SRCAP: variants seen among roughly 807,000 people sequenced by gnomAD.
The protein encoded by SRCAP is Snf2 related CREBBP activator protein, also known as chromatin remodeling protein SRCAP.
A neutral mutation model predicts 263.1 loss-of-function variants in SRCAP; 46 were observed. That is an observed-to-expected ratio of 0.17 (90% confidence interval 0.14 to 0.22). The LOEUF (loss-of-function observed/expected upper bound fraction) is 0.22. Among genes scored for constraint, SRCAP ranks in the 10% least tolerant of loss-of-function variants. The pLI is 1.00. For missense variants in SRCAP, 3,695 were observed against 4,181.9 expected, an observed-to-expected ratio of 0.88 and a Z score of 3.21; for synonymous variants, 1,813 against 1,662.1, an observed-to-expected ratio of 1.09 and a Z score of -2.21.
intron 27 of SRCAP, among the ~76,000 whole-genome samples, chr16:30,732,306 C>G (rs1308504148): frequency 6.6e-6 from 1 of 151,982 alleles, no homozygotes; most frequent in East Asian, 1.9e-4. Context: ...ACAAAATTAT[C>G]CGGACGTGGT....
At position 30,707,226 on chromosome 16, in the gene SRCAP, G is replaced by T. The variant is rs1422857679; in HGVS notation, c.350G>T (p.Gly117Val). The change falls in exon 5 of 34, where the codon GGT becomes GTT. Residue 117 changes from glycine to valine, a missense_variant. Coordinates refer to ENST00000262518, the MANE Select transcript of SRCAP (RefSeq NM_006662.3). Reference protein sequence around the residue: ...ETRIAELRKEGFWSLKRLPKV... With the variant: ...ETRIAELRKEVFWSLKRLPKV... ...CGGATTGCTGAGCTGCGGAAGGAGG[G>T]TTTCTGGTCACTGAAGAGGCTGCCT... 6.2e-7 allele frequency: 1 copy of T among 1,614,060 alleles called. No homozygotes were observed. Among genetic ancestry groups the T allele is most frequent in the Non-Finnish European group, 8.5e-7 (1 of 1,180,044 alleles).
intron 23 of SRCAP, 41 bp downstream of exon 23, chr16:30,722,789 G>A (rs768510520): frequency 6.3e-7 from 1 of 1,581,042 alleles, no homozygotes; most frequent in South Asian, 1.1e-5. Context: ...TGCTGGCCTT[G>A]GTCCTTCCAG....
chr16:30,709,192 G>A (rs1259702227), intron 6 of SRCAP, among the ~76,000 whole-genome samples: 1 of 152,070 alleles, frequency 6.6e-6, no homozygotes, highest in Admixed American at 6.6e-5. Flanking sequence ...CTACGTGGGA[G>A]GGTGAGGCAG....
chr16:30,716,540 C>T, intron 18 of SRCAP, 61 bp downstream of exon 18: 2 of 1,487,262 alleles, frequency 1.3e-6, no homozygotes, highest in South Asian at 2.6e-5. Context: ...AACCATGTAC[C>T]TCTTTTCGTT....
Position 30,729,180 on chromosome 16 carries a change from C to T in SRCAP, c.5873C>T (p.Ala1958Val). 8.1e-6 allele frequency: 13 copies of T among 1,613,766 alleles called. No individual in the cohort carries two copies. The highest frequency in any genetic ancestry group is 1.1e-5 in the Non-Finnish European group (13 of 1,179,708). The change falls in exon 26 of 34, where the codon GCT (alanine) becomes GTT (valine). Residue 1958 changes from alanine (A) to valine (V), a missense_variant. Ala to Val is a moderately conservative substitution (Grantham distance 64). Coordinates refer to ENST00000262518, the MANE Select transcript of SRCAP (RefSeq NM_006662.3). ...ACTTATACCGAGGCTGCCCACCGGG[C>T]TGTACTGTTTCCCCAGCAGCGACTA... is the stretch of plus-strand genomic sequence containing the variant. Reference protein sequence around the residue: ...FWTYTEAAHRAVLFPQQRLDQ... With the variant: ...FWTYTEAAHRVVLFPQQRLDQ...
chr16:30,733,349 C>T lies in SRCAP; in HGVS notation c.6197C>T (p.Thr2066Ile). The T allele has an allele frequency of 6.2e-7, 1 of 1,614,166 alleles. No individual in the cohort carries two copies. Among genetic ancestry groups the T allele is most frequent in the Non-Finnish European group, 8.5e-7 (1 of 1,180,020 alleles). Residue 2066 changes from threonine (T) to isoleucine (I), a missense_variant, in exon 28 of 34, where the codon ACC (threonine) becomes ATC (isoleucine). This residue lies in a region of SRCAP where 138 missense variants were observed against 254.9 expected (regional missense o/e 0.54). Transcript: ENST00000262518. The surrounding 1 kb of genome is among the most constrained non-coding windows in gnomAD (Gnocchi z 5.3). ...KAEGHRVLIFTQMTRMLDVLE... is the reference protein window; with the variant it reads ...KAEGHRVLIFIQMTRMLDVLE... ...GAGGGCCACCGAGTGCTCATCTTCA[C>T]CCAGATGACCCGAATGCTGGATGTA...
rs1300193942 is a variant in SRCAP, at chr16:30,737,821, C to G, written c.7781C>G (p.Pro2594Arg). Residue 2594 changes from proline to arginine, a missense_variant, in exon 34 of 34, where the codon CCT becomes CGT. This residue lies in a region of SRCAP where 1,207 missense variants were observed against 1,142.9 expected (regional missense o/e 1.06). Transcript: ENST00000262518. ...DLLPVAVEIL[P>R]VSEKNLSLTP... ...TTGCCAGTTGCTGTGGAGATCCTGCCTGTGTCAGAGAAGAACCTTTCTCTC... is the reference window on the plus strand; with the variant it reads ...TTGCCAGTTGCTGTGGAGATCCTGCGTGTGTCAGAGAAGAACCTTTCTCTC... The G allele has an allele frequency of 1.2e-6, 2 of 1,614,194 alleles. No homozygotes were observed. The highest frequency in any genetic ancestry group is 1.7e-6 in the Non-Finnish European group (2 of 1,180,042).
intron 25 of SRCAP, chr16:30,726,017 C>T (rs1281686961): frequency 6.6e-6 from 1 of 152,156 alleles, no homozygotes. Flanking sequence ...CAAAAAGAAA[C>T]GCTGCACCTG....
At position 30,720,952 on chromosome 16, in the gene SRCAP, A is replaced by C. The variant is rs1181981451; in HGVS notation, c.3227A>C (p.Gln1076Pro). ...GGCCCTGTCCTCTTGCCTCCACTGC[A>C]GCCCAACAGTGGTTCTCTCCCCCAG... Reference protein sequence around the residue: ...PPGPVLLPPLQPNSGSLPQVL... With the variant: ...PPGPVLLPPLPPNSGSLPQVL... The change falls in exon 20 of 34, where the codon CAG (glutamine) becomes CCG (proline). Residue 1076 changes from glutamine (Q) to proline (P), a missense_variant. By Grantham distance (76) the Gln-to-Pro change is moderately conservative (BLOSUM62 -1). This residue lies in a region of SRCAP where 1,347 missense variants were observed against 1,304.4 expected (regional missense o/e 1.03). Coordinates refer to ENST00000262518, the MANE Select transcript of SRCAP (RefSeq NM_006662.3). 1.2e-6 allele frequency: 2 copies of C among 1,611,154 alleles called. No homozygotes were observed. Among genetic ancestry groups the C allele is most frequent in the Admixed American group, 3.4e-5 (2 of 59,688 alleles).
At chr16:30,714,158 A>T (rs1596649162) in intron 16 of SRCAP, among the ~76,000 whole-genome samples, 1 of 144,840 alleles carries the variant, frequency 6.9e-6, no homozygotes, top group Non-Finnish European at 1.5e-5. Flanking sequence ...TTTGCCTCCC[A>T]GGTTCATGCC....
chr16:30,738,443 C>T lies in SRCAP; in HGVS notation c.8403C>T (p.Ser2801=). 6.4e-7 allele frequency: 1 copy of T among 1,557,104 alleles called. No individual in the cohort carries two copies. Among genetic ancestry groups the T allele is most frequent in the Non-Finnish European group, 8.7e-7 (1 of 1,151,682 alleles). ...PSVRSMSGPE[S]SPPIGGPCEA... The stretch of plus-strand genomic sequence containing the variant: ...TCCGCAGCATGTCAGGGCCAGAATC[C>T]TCCCCTCCCATTGGTGGGCCCTGTG... The change falls in exon 34 of 34, where the codon TCC becomes TCT. Residue 2801 remains serine (S), a synonymous_variant. Coordinates refer to ENST00000262518, the MANE Select transcript of SRCAP (RefSeq NM_006662.3).
At position 30,725,101 on chromosome 16, in the gene SRCAP, A is replaced by G; in HGVS notation, c.5658+19A>G. Reference sequence around the variant, plus strand: ...TTATCTGGTAAGTTTTACTTCCTCAAGAGGGAACAGGAAGTTGAGTTTCTT... The same window carrying G: ...TTATCTGGTAAGTTTTACTTCCTCAGGAGGGAACAGGAAGTTGAGTTTCTT... On this transcript the variant is annotated intron_variant, in intron 25 of 33. Transcript: ENST00000262518. 3 of 1,585,532 alleles carry G rather than the reference A, an allele frequency of 1.9e-6. No individual in the cohort carries two copies. Among genetic ancestry groups the G allele is most frequent in the Non-Finnish European group, 2.6e-6 (3 of 1,165,252 alleles).
rs141288104 is a variant in SRCAP at position 30,720,894 on chromosome 16, G to C, written c.3169G>C (p.Gly1057Arg). ...ASLMVSASPA[G>R]PPLIPASRPP... Reference sequence around the variant, plus strand: ...ACTGATGGTTTCAGCCTCACCTGCCGGGCCCCCGCTTATTCCTGCATCTCG... The same window carrying C: ...ACTGATGGTTTCAGCCTCACCTGCCCGGCCCCCGCTTATTCCTGCATCTCG... Residue 1057 changes from glycine to arginine, a missense_variant, in exon 20 of 34, where the codon GGG becomes CGG. Coordinates refer to ENST00000262518, the MANE Select transcript of SRCAP (RefSeq NM_006662.3). The C allele has an allele frequency of 2.5e-6, 4 of 1,614,036 alleles. No individual in the cohort carries two copies. The highest frequency in any genetic ancestry group is 3.4e-6 in the Non-Finnish European group (4 of 1,180,002).
chr16:30,732,564 C>CT (rs1264959007), intron 27 of SRCAP, among the ~76,000 whole-genome samples: 1 of 152,132 alleles, frequency 6.6e-6, no homozygotes, highest in Non-Finnish European at 1.5e-5. Context: ...TTCTAAGAGC[C>CT]TTTACTGTTC....
rs765838778 is a variant in SRCAP at position 30,722,994 on chromosome 16, GGTGAAGATTGTA to G, written c.3929_3940del (p.Lys1310_Val1313del). 1 of 1,613,598 alleles carries G rather than the reference GGTGAAGATTGTA, an allele frequency of 6.2e-7. No homozygotes were observed. Among genetic ancestry groups the G allele is most frequent in the Non-Finnish European group, 8.5e-7 (1 of 1,179,746 alleles). ...CAACCATGGTGAATAATACAGGCGT[GGTGAAGATTGTA>G]GTGAGACAAGCCCCTCGGGATGGAC... On this transcript the variant is annotated inframe_deletion, in exon 24 of 34. Transcript: ENST00000262518.
rs1418153470 is a variant in SRCAP at position 30,739,408 on chromosome 16, G to A, written c.9368G>A (p.Arg3123His). 7 of 1,614,092 alleles carry A rather than the reference G, an allele frequency of 4.3e-6. No homozygotes were observed. The highest frequency in any genetic ancestry group is 2.7e-5 in the African/African-American group (2 of 74,944). Residue 3123 changes from arginine to histidine, a missense_variant, in exon 34 of 34, where the codon CGT becomes CAT. Around this residue, in one of 12 missense-constraint regions of SRCAP, gnomAD observed 1,207 missense variants for 1,142.9 expected, o/e 1.06. Coordinates refer to ENST00000262518, the MANE Select transcript of SRCAP (RefSeq NM_006662.3). ...LTPKLRSTRL[R>H]PGSLVPPLET... Reference sequence around the variant, plus strand: ...CCAAAACTGCGCTCGACCCGGCTGCGTCCAGGGTCTCTAGTCCCCCCACTA... The same window carrying A: ...CCAAAACTGCGCTCGACCCGGCTGCATCCAGGGTCTCTAGTCCCCCCACTA...
chr16:30,707,592 G>C lies in SRCAP; in HGVS notation c.513G>C (p.Arg171=). ...VARKVVRMVI[R]HHEEQRQKEE... ...CACAGGTGGTGCGCATGGTGATCCG[G>C]CACCACGAGGAGCAGCGGCAGAAAG... The change falls in exon 6 of 34, where the codon CGG becomes CGC. Residue 171 remains arginine (R), a synonymous_variant. Coordinates refer to ENST00000262518, the MANE Select transcript of SRCAP (RefSeq NM_006662.3). 3 of 1,613,490 alleles carry C rather than the reference G, an allele frequency of 1.9e-6. No individual in the cohort carries two copies. Among genetic ancestry groups the C allele is most frequent in the Non-Finnish European group, 2.5e-6 (3 of 1,179,742 alleles).
Position 30,737,537 on chromosome 16 carries a change from C to T in SRCAP, c.7497C>T (p.Cys2499=), listed in dbSNP as rs2053172763. The T allele has an allele frequency of 6.2e-7, 1 of 1,608,744 alleles. No individual in the cohort carries two copies. The highest frequency in any genetic ancestry group is 8.5e-7 in the Non-Finnish European group (1 of 1,175,186). Residue 2499 remains cysteine (C), a synonymous_variant, in exon 34 of 34, where the codon TGC becomes TGT. Transcript: ENST00000262518. ...TTCCTCCTTGTTCTTCTCCTGCCTG[C>T]ACCCCTCCTCCTGCCTGTACCCCTC... ...SQIPPCSSPA[C]TPPPACTPPP...
At chr16:30,709,124 A>C (rs1361015025) in intron 6 of SRCAP, among the ~76,000 whole-genome samples, 1 of 152,000 alleles carries the variant, frequency 6.6e-6, no homozygotes, top group Non-Finnish European at 1.5e-5. Flanking sequence ...TGGCCCACCT[A>C]CCTATTTTTT....
Sources: allele counts gnomAD v4.1 joint callset (sites outside exome capture counted in the v4.1 genomes callset), GRCh38; gene constraint gnomAD v4.1.1; regional missense constraint gnomAD v4.1.1; non-coding constraint Gnocchi (gnomAD v3.1); transcripts MANE v1.5; gene names NCBI Gene and HGNC (gene_info 2026-07-23, HGNC 2026-07-21).